The following TEX11 variants were observed in gnomAD, a reference collection of about 807,000 sequenced individuals.
The protein encoded by TEX11 is testis expressed 11.
In TEX11, 7 loss-of-function variants were observed where a neutral mutation model predicts 84.4. That is an observed-to-expected ratio of 0.08 (90% CI 0.05 to 0.16). The LOEUF (loss-of-function observed/expected upper bound fraction) is 0.16. TEX11 is among the 10% of genes least tolerant of loss of function. The pLI, the probability that TEX11 is intolerant of heterozygous loss-of-function variation, is 1.00. For missense variants in TEX11, 551 were observed against 660.5 expected (o/e 0.83, Z 1.82); for synonymous variants, 264 against 222.8 (o/e 1.18, Z -1.64).
intron 25 of TEX11, among the ~76,000 whole-genome samples, chrX:70,576,369 A>G (rs914223742): frequency 3.6e-5 from 4 of 112,403 alleles, no homozygotes; most frequent in African/African-American, 1.3e-4. Flanking sequence ...TATTTTAAGC[A>G]TTAGTTCATT....
intron 28 of TEX11, among the ~76,000 whole-genome samples, chrX:70,548,181 C>T (rs1413230439): frequency 9.1e-6 from 1 of 109,309 alleles, no homozygotes; most frequent in African/African-American, 3.3e-5. Context: ...AAAAACCAAA[C>T]ACCACATGTT....
chrX:70,679,632 G>A (rs1477554022), intron 14 of TEX11, among the ~76,000 whole-genome samples: 2 of 98,398 alleles, frequency 2.0e-5, no homozygotes, highest in Non-Finnish European at 4.1e-5. Context: ...CCCGGCAGCC[G>A]CGCTGTCTGA....
At chrX:70,886,657 T>C (rs1416043426) in intron 2 of TEX11, among the ~76,000 whole-genome samples, 1 of 112,010 alleles carries the variant, frequency 8.9e-6, no homozygotes, top group Admixed American at 9.5e-5. Context: ...GCCCCTAGTA[T>C]GTTAAAGCTC....
intron 13 of TEX11, among the ~76,000 whole-genome samples, chrX:70,712,202 A>G (rs929176375): frequency 5.4e-5 from 6 of 111,468 alleles, no homozygotes; most frequent in African/African-American, 1.3e-4. Flanking sequence ...GCCTTGTAGT[A>G]TAGTTTGAAG....
Position 70,547,411 on chromosome X carries a change from G to A in TEX11, c.2520+4715C>T, listed in dbSNP as rs186149309. 2.5e-4 allele frequency among the ~76,000 whole-genome samples: 28 copies of A among 111,189 alleles called. No homozygotes were observed. In the East Asian group the frequency reaches 6.8e-3, roughly 27 times the overall value. The stretch of plus-strand genomic sequence containing the variant: ...CACAAAAATTAAGAATAAAAAATCA[G>A]ACAAATGGGATCTAATTAAACTAAA... On this transcript the variant is annotated intron_variant, in intron 28 of 29. Coordinates refer to ENST00000374333, the MANE Select transcript of TEX11 (RefSeq NM_031276.3).
intron 28 of TEX11, among the ~76,000 whole-genome samples, chrX:70,539,506 C>T (rs1377964589): frequency 9.0e-6 from 1 of 110,884 alleles, no homozygotes; most frequent in Admixed American, 9.7e-5. Flanking sequence ...AGTCTGTGTT[C>T]TTCTGGGCTT....
chrX:70,742,856 C>T (rs1410390930), intron 10 of TEX11, among the ~76,000 whole-genome samples: 1 of 110,638 alleles, frequency 9.0e-6, no homozygotes, highest in African/African-American at 3.3e-5. Context: ...GCTTAGCCTC[C>T]TGAGTAGCTG....
chrX:70,528,885 T>C (rs1012028070), downstream of TEX11: 2 of 421,320 alleles, frequency 4.7e-6, no homozygotes, highest in Non-Finnish European at 8.3e-6. Flanking sequence ...TTCAATATCA[T>C]CCTTAGCACT....
intron 17 of TEX11, among the ~76,000 whole-genome samples, chrX:70,646,874 C>A (rs779747692): frequency 9.0e-6 from 1 of 111,523 alleles, no homozygotes; most frequent in Non-Finnish European, 1.9e-5. Flanking sequence ...AGTCCCACTA[C>A]GTAGTAGAAT....
At chrX:70,724,508 C>T (rs770283314) in intron 12 of TEX11, among the ~76,000 whole-genome samples, 1 of 111,462 alleles carries the variant, frequency 9.0e-6, no homozygotes, top group African/African-American at 3.2e-5. Flanking sequence ...AATAATGCAG[C>T]TCTTAAAGAT....
chrX:70,831,366 T>G (rs865871461), intron 8 of TEX11, among the ~76,000 whole-genome samples: 16 of 111,289 alleles, frequency 1.4e-4, no homozygotes, highest in Non-Finnish European at 2.5e-4. Flanking sequence ...GTGGCTCCCG[T>G]CTATAATCCC....
At chrX:70,828,851 G>A (rs55816420) in intron 8 of TEX11, among the ~76,000 whole-genome samples, 27,357 of 109,618 alleles carry the variant, frequency 0.25, 2,625 homozygotes, top group Admixed American at 0.42. Flanking sequence ...CAGTAAAAGA[G>A]AAGAAAAAAA....
intron 16 of TEX11, among the ~76,000 whole-genome samples, chrX:70,666,676 T>C (rs2089978347): frequency 8.9e-6 from 1 of 111,821 alleles, no homozygotes; most frequent in Non-Finnish European, 1.9e-5. Flanking sequence ...TCTTAGGTAT[T>C]CTGTTATACC....
rs1391837461 is a variant in TEX11, at chrX:70,582,755, TTTATTTA to T, written c.2140+8989_2140+8995del. 2.6e-3 allele frequency among the ~76,000 whole-genome samples: 210 copies of T among 81,889 alleles called. 1 individual carries two copies. Among genetic ancestry groups the T allele is most frequent in the African/African-American group, 7.3e-3 (169 of 23,019 alleles). The allele number at this position is 81,889 out of a possible 115,157, so 71.1% of individuals were successfully genotyped here. The stretch of plus-strand genomic sequence containing the variant: ...ATTTATTTATTTATTTATTTATTTA[TTTATTTA>T]TGTGATGGAATCTCACTCTGTCTCC... On this transcript the variant is annotated intron_variant, in intron 25 of 29. Coordinates refer to ENST00000374333, the MANE Select transcript of TEX11 (RefSeq NM_031276.3).
chrX:70,566,145 T>G (rs2088471643), intron 25 of TEX11, among the ~76,000 whole-genome samples: 1 of 105,941 alleles, frequency 9.4e-6, no homozygotes, highest in African/African-American at 3.5e-5. Context: ...GATTCTTAGG[T>G]ATTTTATTCT....
chrX:70,858,764 G>A lies in TEX11; in HGVS notation c.324+2093C>T, dbSNP rs776590500. ...AAATAATCCAGTGGGTTGGCCAGGC[G>A]CGGTGGCTCATGCCTGTAATCCCAG... On this transcript the variant is annotated intron_variant, in intron 5 of 29. Coordinates refer to ENST00000374333, the MANE Select transcript of TEX11 (RefSeq NM_031276.3). Among the ~76,000 whole-genome samples the A allele has an allele frequency of 6.3e-5, 7 of 111,906 alleles. No individual in the cohort carries two copies. The East Asian group carries it at 8.5e-4, about 14-fold the overall frequency.
intron 7 of TEX11, among the ~76,000 whole-genome samples, chrX:70,833,814 C>T (rs1269999643): frequency 9.0e-6 from 1 of 111,350 alleles, no homozygotes; most frequent in Non-Finnish European, 1.9e-5. Flanking sequence ...GAGCAGGAGT[C>T]ATTTACTTTT....
At chrX:70,549,232 G>A (rs2088180178) in intron 28 of TEX11, among the ~76,000 whole-genome samples, 1 of 111,112 alleles carries the variant, frequency 9.0e-6, no homozygotes, top group African/African-American at 3.3e-5. Flanking sequence ...TGACTAAATA[G>A]CACTTTGGCC....
chrX:70,827,687 T>C (rs1001542250), intron 8 of TEX11, among the ~76,000 whole-genome samples: 1 of 111,996 alleles, frequency 8.9e-6, no homozygotes, highest in Non-Finnish European at 1.9e-5. Context: ...AAGGGCTTTG[T>C]ATTGTGATTT....
Sources: gnomAD v4.1 joint callset for allele counts (sites outside exome capture counted in the v4.1 genomes callset) on GRCh38, gnomAD v4.1.1 for gene constraint, MANE v1.5 for transcripts, NCBI Gene and HGNC (gene_info 2026-07-23, HGNC 2026-07-21) for gene names.